TNN: variants seen among roughly 807,000 people sequenced by gnomAD.
TNN encodes tenascin N.
Under a neutral mutation model 134.4 loss-of-function variants are expected in TNN, and 122 were observed. The observed-to-expected ratio is 0.91, with a 90% CI of 0.78 to 1.06. The LOEUF (loss-of-function observed/expected upper bound fraction) is 1.06. Among genes scored for constraint, TNN ranks in the 50% least tolerant of loss-of-function variants. The pLI is 0.00. For synonymous variants in TNN, 710 were observed against 670.3 expected, an observed-to-expected ratio of 1.06 and a Z score of -0.91; for missense variants, 1,739 against 1,699.4, an observed-to-expected ratio of 1.02 and a Z score of -0.41.
Position 175,098,514 on chromosome 1 carries a change from C to T in TNN, c.2038C>T (p.Pro680Ser). The T allele has an allele frequency of 6.2e-7, 1 of 1,614,112 alleles. No homozygotes were observed. The highest frequency in any genetic ancestry group is 8.5e-7 in the Non-Finnish European group (1 of 1,180,024). ...QSSTVLTGLRPGMEYMVHVWA... is the reference protein window; with the variant it reads ...QSSTVLTGLRSGMEYMVHVWA... ...CAGCACAGTCCTGACAGGCCTGAGA[C>T]CGGGTATGGAGTACATGGTGCACGT... The change falls in exon 9 of 19, where the codon CCG becomes TCG. Residue 680 changes from proline (P) to serine (S), a missense_variant. Coordinates refer to ENST00000239462, the MANE Select transcript of TNN (RefSeq NM_022093.2).
At chr1:175,083,061 T>C (rs1674235601) in intron 4 of TNN, among the ~76,000 whole-genome samples, 1 of 152,100 alleles carries the variant, frequency 6.6e-6, no homozygotes, top group South Asian at 2.1e-4. Context: ...ACAATAACTC[T>C]CTTCCTTCAC....
chr1:175,143,978 G>A (rs1676000009), intron 17 of TNN, among the ~76,000 whole-genome samples: 1 of 152,074 alleles, frequency 6.6e-6, no homozygotes, highest in Non-Finnish European at 1.5e-5. Context: ...GGTATGAAGG[G>A]ATTTCCAAAC....
In TNN at chr1:175,094,186, C is replaced by G. The variant is rs2149431735; in HGVS notation, c.1521C>G (p.Tyr507Ter). 2 of 1,614,122 alleles carry G rather than the reference C, an allele frequency of 1.2e-6. No individual in the cohort carries two copies. Among genetic ancestry groups the G allele is most frequent in the East Asian group, 4.5e-5 (2 of 44,884 alleles). Residue 507 changes from tyrosine (Y) to a stop codon, truncating the protein, a stop_gained, in exon 7 of 19, where the codon TAC becomes TAG. Transcript: ENST00000239462. LOFTEE classifies it high-confidence loss of function. Reference sequence around the variant, plus strand: ...CGGGCCTGAAGCCAGGAGAGGCATACAAGGTCTACGTGTGGGCTGAAAGGG... The same window carrying G: ...CGGGCCTGAAGCCAGGAGAGGCATAGAAGGTCTACGTGTGGGCTGAAAGGG... ...VLTGLKPGEAYKVYVWAERGN... is the reference protein window; with the variant it reads ...VLTGLKPGEA
At chr1:175,085,251 C>T (rs557087341) in intron 5 of TNN, among the ~76,000 whole-genome samples, 154 bp from the exon 6 acceptor site, 8 of 152,316 alleles carry the variant, frequency 5.3e-5, no homozygotes, top group Admixed American at 1.3e-4. Flanking sequence ...ATTGCACCTG[C>T]GGGGCTTTAT....
Position 175,144,577 on chromosome 1 carries a change from G to T in TNN, c.3759+27G>T, listed in dbSNP as rs777837773. The stretch of plus-strand genomic sequence containing the variant: ...TAGGTGACAGGTGAATGTCTTTTCT[G>T]TCCCAGGGTATGTCCATATTCAGCT... On this transcript the variant is annotated intron_variant, in intron 18 of 18. Transcript: ENST00000239462. 30 of 1,610,764 alleles carry T rather than the reference G, an allele frequency of 1.9e-5. No homozygotes were observed. In the South Asian group the frequency reaches 3.3e-4, roughly 18 times the overall value.
intron 9 of TNN, among the ~76,000 whole-genome samples, chr1:175,104,765 T>C (rs879694570): frequency 2.7e-5 from 4 of 145,852 alleles, no homozygotes; most frequent in Non-Finnish European, 4.6e-5. Flanking sequence ...AATAAACTTA[T>C]CTTTTAGAAT....
rs931039872 is a variant in TNN, at chr1:175,125,696, T to G, written c.2915-1259T>G. Among the ~76,000 whole-genome samples, 2 of 54,910 alleles carry G rather than the reference T, an allele frequency of 3.6e-5. 1 individual carries two copies. The highest frequency in any genetic ancestry group is 1.5e-4 in the African/African-American group (2 of 13,296). 36.0% of individuals were successfully genotyped at this position (54,910 alleles called of 152,430 possible). The stretch of plus-strand genomic sequence containing the variant: ...CTCCCTCCCTCCTTTCTTTCTCTCT[T>G]TTTTCTCTCTTTCTTTCTTTCTTTC... On this transcript the variant is annotated intron_variant, in intron 12 of 18. Transcript: ENST00000239462.
At position 175,117,019 on chromosome 1, in the gene TNN, A is replaced by T. The variant is rs1309909697; in HGVS notation, c.2200A>T (p.Thr734Ser). The change falls in exon 10 of 19, where the codon ACC becomes TCC. Residue 734 changes from threonine to serine, a missense_variant. Transcript: ENST00000239462. ...TGTCTCCTGGGACCCGGTGCGGGCC[A>T]CCATTGACAGGTATGTGGTGCGCTA... Reference protein sequence around the residue: ...ATVSWDPVRATIDRYVVRYTS... With the variant: ...ATVSWDPVRASIDRYVVRYTS... 2 of 1,614,070 alleles carry T rather than the reference A, an allele frequency of 1.2e-6. No individual in the cohort carries two copies. The highest frequency in any genetic ancestry group is 2.7e-5 in the African/African-American group (2 of 74,928).
At chr1:175,105,001 A>T (rs1163772372) in intron 9 of TNN, among the ~76,000 whole-genome samples, 2 of 145,708 alleles carry the variant, frequency 1.4e-5, no homozygotes, top group African/African-American at 2.5e-5. Context: ...CCCAGTGGGG[A>T]TCCATACTGG....
intron 1 of TNN, 22 bp from the exon 2 acceptor site, chr1:175,077,362 T>G: frequency 6.5e-7 from 1 of 1,531,784 alleles, no homozygotes; most frequent in Non-Finnish European, 8.8e-7. Context: ...GTGGCTTTCT[T>G]TTGCAATGTT....
rs1675257824 is a variant in TNN, at chr1:175,118,702, T to TG, written c.2532dup (p.Lys845GlufsTer34). On this transcript the variant is annotated frameshift_variant, in exon 11 of 19. Transcript: ENST00000239462. LOFTEE classifies it high-confidence loss of function. The stretch of plus-strand genomic sequence containing the variant: ...AACGGAGAGACCAGGGAGGTTCCAG[T>TG]GGGGAAGGAGCAGAGCAGCACTGTC... The TG allele has an allele frequency of 6.2e-7, 1 of 1,613,940 alleles. No individual in the cohort carries two copies. Among genetic ancestry groups the TG allele is most frequent in the Non-Finnish European group, 8.5e-7 (1 of 1,179,966 alleles).
intron 15 of TNN, among the ~76,000 whole-genome samples, chr1:175,134,642 G>C (rs1558373715): frequency 6.6e-6 from 1 of 152,094 alleles, no homozygotes; most frequent in Non-Finnish European, 1.5e-5. Flanking sequence ...ATAGCTGAGA[G>C]AAGAGTCATC....
intron 4 of TNN, among the ~76,000 whole-genome samples, chr1:175,081,446 C>T (rs1674196921): frequency 6.6e-6 from 1 of 152,190 alleles, no homozygotes; most frequent in Admixed American, 6.5e-5. Flanking sequence ...GCACTGCCTC[C>T]ATCCTGCCCT....
intron 6 of TNN, among the ~76,000 whole-genome samples, chr1:175,090,234 A>G (rs1674410283): frequency 6.6e-6 from 1 of 152,212 alleles, no homozygotes; most frequent in Non-Finnish European, 1.5e-5. Context: ...CAAAGTCAAT[A>G]ACCTTTTTAG....
Position 175,132,882 on chromosome 1 carries a change from C to T in TNN, c.3331-2963C>T, listed in dbSNP as rs552552065. Reference sequence around the variant, plus strand: ...AGCTTTCAGCATTGCTGCAGGGTAACCTACTCTCTCTTCCCGGAGAAAAAT... The same window carrying T: ...AGCTTTCAGCATTGCTGCAGGGTAATCTACTCTCTCTTCCCGGAGAAAAAT... On this transcript the variant is annotated intron_variant, in intron 15 of 18. Transcript: ENST00000239462. Among the ~76,000 whole-genome samples, 4 of 152,338 alleles carry T rather than the reference C, an allele frequency of 2.6e-5. No individual in the cohort carries two copies. The South Asian group carries it at 8.3e-4, about 32-fold the overall frequency.
At position 175,094,013 on chromosome 1, in the gene TNN, G is replaced by A. The variant is rs1674508605; in HGVS notation, c.1348G>A (p.Val450Ile). Residue 450 changes from valine (V) to isoleucine (I), a missense_variant, in exon 7 of 19, where the codon GTC becomes ATC. Transcript: ENST00000239462. ...RTEIDSPTNV[V>I]TDRVTEDTAT... The stretch of plus-strand genomic sequence containing the variant: ...AGAAATTGACAGTCCAACCAATGTT[G>A]TCACTGATCGAGTGACTGAAGACAC... 1 of 1,606,354 alleles carries A rather than the reference G, an allele frequency of 6.2e-7. No homozygotes were observed. The highest frequency in any genetic ancestry group is 2.2e-5 in the East Asian group (1 of 44,686).
Position 175,128,646 on chromosome 1 carries a change from G to T in TNN, c.3230G>T (p.Ser1077Ile). 6.2e-7 allele frequency: 1 copy of T among 1,614,002 alleles called. No individual in the cohort carries two copies. Among genetic ancestry groups the T allele is most frequent in the African/African-American group, 1.3e-5 (1 of 75,032 alleles). ...PSDCSQVQQN[S>I]NAASGLYTIY... is the part of the protein sequence containing the mutation. Reference sequence around the variant, plus strand: ...GACTGCAGTCAGGTTCAGCAGAACAGCAATGCCGCCAGTGGTCTGTACACC... The same window carrying T: ...GACTGCAGTCAGGTTCAGCAGAACATCAATGCCGCCAGTGGTCTGTACACC... Residue 1077 changes from serine to isoleucine, a missense_variant, in exon 15 of 19, where the codon AGC (serine) becomes ATC (isoleucine). Transcript: ENST00000239462.
Position 175,117,076 on chromosome 1 carries a change from G to A in TNN, c.2257G>A (p.Val753Ile), listed in dbSNP as rs764497307. The A allele has an allele frequency of 1.2e-5, 19 of 1,614,138 alleles. No homozygotes were observed. Among genetic ancestry groups the A allele is most frequent in the Admixed American group, 6.7e-5 (4 of 60,006 alleles). Reference protein sequence around the residue: ...TSAKDGETREVPVGKEQSSTV... With the variant: ...TSAKDGETREIPVGKEQSSTV... ...TGCCAAGGACGGAGAGACCAGGGAG[G>A]TTCCGGTGGGGAAGGAGCAGAGTAG... The change falls in exon 10 of 19, where the codon GTT becomes ATT. Residue 753 changes from valine (V) to isoleucine (I), a missense_variant. By Grantham distance (29) the Val-to-Ile change is conservative. Coordinates refer to ENST00000239462, the MANE Select transcript of TNN (RefSeq NM_022093.2).
chr1:175,115,548 C>T (rs572556859), intron 9 of TNN, among the ~76,000 whole-genome samples: 10 of 152,140 alleles, frequency 6.6e-5, no homozygotes, highest in South Asian at 2.1e-4. Flanking sequence ...CTCACAGCTC[C>T]GCTTGGAGAT....
Sources: gnomAD v4.1 joint callset for allele counts (sites outside exome capture counted in the v4.1 genomes callset) on GRCh38, gnomAD v4.1.1 for gene constraint, MANE v1.5 for transcripts, NCBI Gene and HGNC (gene_info 2026-07-23, HGNC 2026-07-21) for gene names.